SNTG1: variants seen among roughly 807,000 people sequenced by gnomAD.
The protein encoded by SNTG1 is syntrophin gamma 1, also known as gamma-1-syntrophin.
Under a neutral mutation model 74.7 loss-of-function variants are expected in SNTG1, and 39 were observed. The observed-to-expected ratio is 0.52, with a 90% CI of 0.40 to 0.68. The LOEUF is 0.68. SNTG1 is among the 30% of genes least tolerant of loss of function. The pLI is 0.00. For synonymous variants in SNTG1, 254 were observed against 217.1 expected (o/e 1.17, Z -1.49); for missense variants, 685 against 609.5 (o/e 1.12, Z -1.30).
intron 10 of SNTG1, among the ~76,000 whole-genome samples, chr8:50,530,668 C>T (rs2094259746): frequency 6.6e-6 from 1 of 152,108 alleles, no homozygotes; most frequent in Admixed American, 6.5e-5. Flanking sequence ...CAACTTTATT[C>T]ACAGTAAGCA....
chr8:50,375,614 G>A (rs745882957), intron 2 of SNTG1, among the ~76,000 whole-genome samples: 2 of 152,052 alleles, frequency 1.3e-5, no homozygotes, highest in Non-Finnish European at 2.9e-5. Context: ...GCTTGTTTGG[G>A]GATATTATTC....
At chr8:49,937,849 C>T (rs1033584595) in intron 1 of SNTG1, among the ~76,000 whole-genome samples, 1 of 152,128 alleles carries the variant, frequency 6.6e-6, no homozygotes, top group African/African-American at 2.4e-5. Flanking sequence ...TTTCTCCTTT[C>T]CTCTCTTCTT....
chr8:50,112,479 A>G (rs1438985648), intron 1 of SNTG1, among the ~76,000 whole-genome samples: 3 of 151,730 alleles, frequency 2.0e-5, no homozygotes, highest in Non-Finnish European at 4.4e-5. Context: ...GGTATATCAA[A>G]ACAGTTATGC....
At chr8:50,723,254 A>T (rs2095492078) in intron 17 of SNTG1, among the ~76,000 whole-genome samples, 2 of 152,080 alleles carry the variant, frequency 1.3e-5, no homozygotes, top group South Asian at 4.1e-4. Context: ...AATATTCAAA[A>T]ATTTCATCAT....
intron 2 of SNTG1, among the ~76,000 whole-genome samples, chr8:50,367,302 A>G (rs2092141480): frequency 2.0e-5 from 3 of 152,010 alleles, no homozygotes; most frequent in Admixed American, 6.6e-5. Context: ...AGTCTATGAC[A>G]TTTCCTAGTT....
At chr8:50,774,828 A>G (rs575986177) in intron 18 of SNTG1, among the ~76,000 whole-genome samples, 1 of 151,758 alleles carries the variant, frequency 6.6e-6, no homozygotes, top group African/African-American at 2.4e-5. Context: ...GGGGGAACAG[A>G]GTTATATAGA....
At chr8:50,652,682 G>A (rs567933377) in intron 13 of SNTG1, among the ~76,000 whole-genome samples, 9 of 151,984 alleles carry the variant, frequency 5.9e-5, no homozygotes, top group East Asian at 1.9e-4. Flanking sequence ...CTTTAGTCCC[G>A]GTTACTCGGG....
intron 9 of SNTG1, among the ~76,000 whole-genome samples, chr8:50,523,107 A>C (rs1455790130): frequency 6.6e-6 from 1 of 152,088 alleles, no homozygotes; most frequent in African/African-American, 2.4e-5. Context: ...GCTATCTTCA[A>C]ACTTTTTTTT....
chr8:50,044,095 A>G (rs1818872225), intron 1 of SNTG1, among the ~76,000 whole-genome samples: 1 of 152,244 alleles, frequency 6.6e-6, no homozygotes, highest in Non-Finnish European at 1.5e-5. Context: ...TGCAAAGAAG[A>G]GAAGGGCCAT....
chr8:50,034,409 C>T (rs373702575), intron 1 of SNTG1, among the ~76,000 whole-genome samples: 2 of 152,278 alleles, frequency 1.3e-5, no homozygotes, highest in African/African-American at 2.4e-5. Flanking sequence ...CCTAGAAATG[C>T]TAATTGTTTT....
At chr8:50,435,618 G>T (rs193118027) in intron 4 of SNTG1, among the ~76,000 whole-genome samples, 11 of 152,220 alleles carry the variant, frequency 7.2e-5, no homozygotes, top group Admixed American at 6.5e-4. Flanking sequence ...CCTGCTGCCT[G>T]CAGTGACCAA....
intron 1 of SNTG1, among the ~76,000 whole-genome samples, chr8:49,991,875 C>T (rs1813726699): frequency 6.6e-6 from 1 of 152,112 alleles, no homozygotes; most frequent in Non-Finnish European, 1.5e-5. Context: ...AATTAGATAG[C>T]TGTGATGTTT....
chr8:50,154,104 G>A (rs1362767625), intron 1 of SNTG1, among the ~76,000 whole-genome samples: 1 of 152,086 alleles, frequency 6.6e-6, no homozygotes, highest in East Asian at 1.9e-4. Flanking sequence ...CAGCAATGGT[G>A]GGCACCCCTC....
chr8:50,141,748 T>C (rs1245636605), intron 1 of SNTG1, among the ~76,000 whole-genome samples: 2 of 152,118 alleles, frequency 1.3e-5, no homozygotes, highest in Non-Finnish European at 2.9e-5. Context: ...GTATAAATGT[T>C]CTACTAGATA....
chr8:50,670,329 G>A (rs1440495767), intron 15 of SNTG1, among the ~76,000 whole-genome samples: 2 of 152,064 alleles, frequency 1.3e-5, no homozygotes, highest in African/African-American at 4.8e-5. Flanking sequence ...AAGCTGATAA[G>A]CAACTTCAGC....
At chr8:50,225,905 AAC>A (rs2085304649) in intron 2 of SNTG1, among the ~76,000 whole-genome samples, 1 of 152,180 alleles carries the variant, frequency 6.6e-6, no homozygotes, top group Non-Finnish European at 1.5e-5. Flanking sequence ...TAGTATTTGC[AAC>A]AGTTATCACT....
intron 10 of SNTG1, among the ~76,000 whole-genome samples, chr8:50,533,090 A>C (rs2094281822): frequency 6.6e-6 from 1 of 152,214 alleles, no homozygotes; most frequent in South Asian, 2.1e-4. Context: ...CACTAATTTG[A>C]AGGTACATGA....
chr8:50,133,512 A>C (rs1304619871), intron 1 of SNTG1, among the ~76,000 whole-genome samples: 1 of 152,186 alleles, frequency 6.6e-6, no homozygotes, highest in Non-Finnish European at 1.5e-5. Context: ...TGAGTGGCTT[A>C]AGAGACATTT....
At chr8:50,407,008 C>A (rs1219260183) in intron 4 of SNTG1, among the ~76,000 whole-genome samples, 1 of 152,106 alleles carries the variant, frequency 6.6e-6, no homozygotes, top group Non-Finnish European at 1.5e-5. Flanking sequence ...TTTTTTAAAA[C>A]CTCCCACTGG....
Sources: gnomAD v4.1 joint callset for allele counts (sites outside exome capture counted in the v4.1 genomes callset) on GRCh38, gnomAD v4.1.1 for gene constraint, MANE v1.5 for transcripts, NCBI Gene and HGNC (gene_info 2026-07-23, HGNC 2026-07-21) for gene names.